SNX27: variants seen among roughly 807,000 people sequenced by gnomAD.
SNX27 encodes the protein sorting nexin 27.
Under a neutral mutation model 71.6 loss-of-function variants are expected in SNX27, and 22 were observed. That is an observed-to-expected ratio of 0.31 (90% CI 0.22 to 0.44). SNX27 has a LOEUF of 0.44. Among genes scored for constraint, SNX27 ranks in the 20% least tolerant of loss-of-function variants. The pLI is 1.00. For synonymous variants in SNX27, 269 were observed against 277.2 expected (o/e 0.97, Z 0.29); for missense variants, 531 against 698.6 (o/e 0.76, Z 2.70).
At chr1:151,683,334 T>C in intron 7 of SNX27, 22 bp from the exon 8 acceptor site, 1 of 1,586,506 alleles carries the variant, frequency 6.3e-7, no homozygotes, top group Non-Finnish European at 8.6e-7. Flanking sequence ...TCCTTTCTGC[T>C]CTACTTCTGT....
intron 7 of SNX27, chr1:151,676,323 T>G (rs1315951167): frequency 1.1e-5 from 1 of 89,156 alleles, no homozygotes; most frequent in Admixed American, 1.5e-4. Flanking sequence ...TTTTTTTTTT[T>G]GAGACAGAGT....
At chr1:151,680,654 C>T (rs1002700847) in intron 7 of SNX27, among the ~76,000 whole-genome samples, 1 of 152,092 alleles carries the variant, frequency 6.6e-6, no homozygotes, top group African/African-American at 2.4e-5. Flanking sequence ...AGACAGTATT[C>T]TTATATTCTT....
At chr1:151,669,653 T>TGA (rs926001311) in intron 7 of SNX27, among the ~76,000 whole-genome samples, 41 of 152,360 alleles carry the variant, frequency 2.7e-4, no homozygotes, top group African/African-American at 9.9e-4. Context: ...GTTTCCAGTG[T>TGA]GAGAGTACAT....
chr1:151,662,081 T>G, intron 4 of SNX27, 85 bp from the exon 5 acceptor site: 2 of 867,152 alleles, frequency 2.3e-6, no homozygotes, highest in Non-Finnish European at 3.7e-6. Flanking sequence ...TCTACCACGT[T>G]TTAGGTTATT....
intron 2 of SNX27, among the ~76,000 whole-genome samples, chr1:151,654,759 A>G (rs1669596935): frequency 6.6e-6 from 1 of 152,204 alleles, no homozygotes; most frequent in Non-Finnish European, 1.5e-5. Flanking sequence ...GGGGAAGTGC[A>G]TGTGAGACAG....
intron 2 of SNX27, among the ~76,000 whole-genome samples, chr1:151,642,513 T>A (rs1166228386): frequency 6.6e-6 from 1 of 152,212 alleles, no homozygotes; most frequent in Non-Finnish European, 1.5e-5. Flanking sequence ...GTTTTTAAAT[T>A]TATGGATAAT....
intron 1 of SNX27, among the ~76,000 whole-genome samples, chr1:151,628,563 G>C (rs1213435686): frequency 6.6e-6 from 1 of 152,118 alleles, no homozygotes; most frequent in Non-Finnish European, 1.5e-5. Flanking sequence ...CTGCCAAACT[G>C]TCTTCCAAAA....
chr1:151,665,754 G>A lies in SNX27; in HGVS notation c.907-179G>A, dbSNP rs997092169. Among the ~76,000 whole-genome samples the A allele has an allele frequency of 2.6e-4, 39 of 152,198 alleles. 1 individual carries two copies. The highest frequency in any genetic ancestry group is 9.4e-4 in the African/African-American group (39 of 41,530). On this transcript the variant is annotated intron_variant, in intron 5 of 11. Transcript: ENST00000458013. ...CCTTTTCTTTCATATATATGTATGC[G>A]TGCATGCATGTACACATACATACAA...
At chr1:151,624,371 GATA>G (rs1667819334) in intron 1 of SNX27, among the ~76,000 whole-genome samples, 1 of 148,014 alleles carries the variant, frequency 6.8e-6, no homozygotes, top group Admixed American at 6.7e-5. Flanking sequence ...GTAATGATCA[GATA>G]ATAAATGAGC....
At chr1:151,655,404 A>G (rs1333016747) in intron 2 of SNX27, among the ~76,000 whole-genome samples, 2 of 152,200 alleles carry the variant, frequency 1.3e-5, no homozygotes, top group East Asian at 3.8e-4. Flanking sequence ...ATCGTTATTC[A>G]GTCAAAATTC....
In SNX27 at chr1:151,615,903, C is replaced by G. The variant is rs1051349232; in HGVS notation, c.311+3391C>G. On this transcript the variant is annotated intron_variant, in intron 1 of 11. Transcript: ENST00000458013. ...TGTGTTTCTTTTAAAGTCGGCTTAC[C>G]AAGGCTCTGTCCTAATCTTTAGTCC... The G allele has an allele frequency of 3.8e-6, 3 of 789,022 alleles. No homozygotes were observed. In the African/African-American group the frequency reaches 5.6e-5, roughly 15 times the overall value. The allele number at this position is 789,022 out of a possible 1,614,324, so 48.9% of individuals were successfully genotyped here. A position where few individuals can be genotyped will look rare whatever the true frequency, so the allele number is the denominator to read the frequency against.
chr1:151,627,478 A>T (rs1338106579), intron 1 of SNX27, among the ~76,000 whole-genome samples: 3 of 152,372 alleles, frequency 2.0e-5, no homozygotes, highest in African/African-American at 7.2e-5. Context: ...GTTTTTAAAA[A>T]TACCTTTGAA....
At chr1:151,627,128 C>A (rs1198317590) in intron 1 of SNX27, among the ~76,000 whole-genome samples, 1 of 152,132 alleles carries the variant, frequency 6.6e-6, no homozygotes, top group Non-Finnish European at 1.5e-5. Flanking sequence ...CTCTATGTAA[C>A]CCTCTGTATT....
rs764730997 is a variant in SNX27, at chr1:151,695,828, A to G, written c.*1411A>G. The stretch of plus-strand genomic sequence containing the variant: ...GAGGAAAGAAAGCAAGAAATGCCCT[A>G]TGTACATGAGGTTTTACCTCCTCCA... On this transcript the variant is annotated 3_prime_UTR_variant, in exon 12 of 12. Transcript: ENST00000458013. 11 of 152,218 alleles carry G rather than the reference A, an allele frequency of 7.2e-5. No homozygotes were observed. Among genetic ancestry groups the G allele is most frequent in the Non-Finnish European group, 1.3e-4 (9 of 68,068 alleles). 9.4% of individuals were successfully genotyped at this position (152,218 alleles called of 1,614,324 possible).
chr1:151,682,313 T>TG (rs1671004135), intron 7 of SNX27, among the ~76,000 whole-genome samples: 1 of 151,490 alleles, frequency 6.6e-6, no homozygotes, highest in South Asian at 2.1e-4. Context: ...GAAAGGAAGG[T>TG]TTTTTTTTGT....
Position 151,683,343 on chromosome 1 carries a change from G to C in SNX27, c.1150-13G>C, listed in dbSNP as rs775294621. ...TTACACTCCTTTCTGCTCTACTTCT[G>C]TTTTGGTGATAGGCAGTCGATGATG... On this transcript the variant is annotated splice_polypyrimidine_tract_variant and intron_variant, in intron 7 of 11. Transcript: ENST00000458013. The C allele has an allele frequency of 3.1e-6, 5 of 1,603,018 alleles. No homozygotes were observed. The highest frequency in any genetic ancestry group is 4.3e-6 in the Non-Finnish European group (5 of 1,175,216).
Position 151,681,235 on chromosome 1 carries a change from C to CTTTTTTTTTTTTTTTTT in SNX27, c.1150-2113_1150-2097dup, listed in dbSNP as rs762924986. Among the ~76,000 whole-genome samples, 97 of 60,696 alleles carry CTTTTTTTTTTTTTTTTT rather than the reference C, an allele frequency of 1.6e-3. 10 individuals are homozygous for CTTTTTTTTTTTTTTTTT. The highest frequency in any genetic ancestry group is 2.5e-3 in the Non-Finnish European group (78 of 31,688). 39.8% of individuals were successfully genotyped at this position (60,696 alleles called of 152,430 possible). On this transcript the variant is annotated intron_variant, in intron 7 of 11. Transcript: ENST00000458013. ...CTAGAAGTTGAATTAGTCTCTCAATCTTTTTTTTTTTTTTTTTTTTTTTTG... is the reference window on the plus strand; with the variant it reads ...CTAGAAGTTGAATTAGTCTCTCAATCTTTTTTTTTTTTTTTTTTTTTTTTTTTTTTTTTTTTTTTTTG...
intron 2 of SNX27, among the ~76,000 whole-genome samples, chr1:151,649,284 AT>A (rs1253148428): frequency 6.6e-6 from 1 of 151,796 alleles, no homozygotes; most frequent in South Asian, 2.1e-4. Flanking sequence ...TTATTTATTT[AT>A]TTTTTTAAAG....
At chr1:151,647,155 G>A (rs972509273) in intron 2 of SNX27, among the ~76,000 whole-genome samples, 2 of 109,538 alleles carry the variant, frequency 1.8e-5, no homozygotes, top group Admixed American at 1.8e-4. Flanking sequence ...TTTTTAATTT[G>A]TTTTTTGTTT....
Sources: allele counts gnomAD v4.1 joint callset (sites outside exome capture counted in the v4.1 genomes callset), GRCh38; gene constraint gnomAD v4.1.1; transcripts MANE v1.5; gene names NCBI Gene and HGNC (gene_info 2026-07-23, HGNC 2026-07-21).